Variants in SLC71A1 observed in about 807,000 individuals in gnomAD.
SLC71A1 encodes the protein hippocampus abundant gene transcript 1.
chr1:100,058,545 A>G, the SLC71A1 span: 1 of 666,724 alleles, frequency 1.5e-6, no homozygotes, highest in Non-Finnish European at 2.7e-6. Context: ...ATGTCATACA[A>G]ATCTGAATAT....
the SLC71A1 span, among the ~76,000 whole-genome samples, chr1:100,067,674 G>A: frequency 2.0e-5 from 3 of 152,058 alleles, no homozygotes; most frequent in Non-Finnish European, 2.9e-5. Flanking sequence ...TTAGCTGGGC[G>A]TGGTGGTGTG....
At chr1:100,049,845 G>T in the SLC71A1 span, 1 of 793,734 alleles carries the variant, frequency 1.3e-6, no homozygotes, top group Non-Finnish European at 2.1e-6. Context: ...CGTTGTTATT[G>T]TTAATAATTA....
chr1:100,040,941 G>A, the SLC71A1 span, among the ~76,000 whole-genome samples: 7 of 152,044 alleles, frequency 4.6e-5, no homozygotes, highest in African/African-American at 1.5e-4. Flanking sequence ...CTCTATGGTC[G>A]GTACATGACA....
the SLC71A1 span, among the ~76,000 whole-genome samples, chr1:100,063,284 AC>A: frequency 1.3e-5 from 2 of 149,696 alleles, no homozygotes; most frequent in African/African-American, 2.5e-5. Context: ...ACAAAACAAA[AC>A]AAAACAAAAC....
chr1:100,045,155 T>G, the SLC71A1 span, among the ~76,000 whole-genome samples: 1 of 152,262 alleles, frequency 6.6e-6, no homozygotes, highest in Non-Finnish European at 1.5e-5. Context: ...TTTCCCTTTG[T>G]GTCATTTATG....
At chr1:100,052,666 G>A in the SLC71A1 span, among the ~76,000 whole-genome samples, 8 of 151,928 alleles carry the variant, frequency 5.3e-5, no homozygotes, top group South Asian at 2.1e-4. Context: ...TCTTAACCTC[G>A]TGATCCGCCC....
At chr1:100,046,211 C>CATTT in the SLC71A1 span, among the ~76,000 whole-genome samples, 2 of 69,462 alleles carry the variant, frequency 2.9e-5, no homozygotes, top group Non-Finnish European at 6.1e-5. Flanking sequence ...CTCCAAGCCT[C>CATTT]GTTTTTTTTT....
At chr1:100,045,189 C>T in the SLC71A1 span, among the ~76,000 whole-genome samples, 1 of 152,048 alleles carries the variant, frequency 6.6e-6, no homozygotes, top group Non-Finnish European at 1.5e-5. Flanking sequence ...GTGTTTTGTA[C>T]TTTTCCTTGT....
the SLC71A1 span, chr1:100,080,714 C>T: frequency 6.8e-7 from 1 of 1,478,048 alleles, no homozygotes; most frequent in Non-Finnish European, 9.2e-7. Flanking sequence ...AGATTAAAGG[C>T]TACTGGTTTT....
At chr1:100,074,208 C>T in the SLC71A1 span, among the ~76,000 whole-genome samples, 5 of 152,228 alleles carry the variant, frequency 3.3e-5, no homozygotes, top group African/African-American at 9.6e-5. Context: ...GCACATAGGA[C>T]GTTACCCCAG....
chr1:100,075,225 A>T, the SLC71A1 span, among the ~76,000 whole-genome samples: 1 of 152,322 alleles, frequency 6.6e-6, no homozygotes, highest in South Asian at 2.1e-4. Flanking sequence ...CTGAGCTGGG[A>T]GTTGATGCTC....
chr1:100,066,847 G>C, the SLC71A1 span, among the ~76,000 whole-genome samples: 6 of 151,990 alleles, frequency 3.9e-5, no homozygotes, highest in African/African-American at 1.4e-4. Flanking sequence ...AAATTAGCCG[G>C]GCGAGGTGGC....
the SLC71A1 span, among the ~76,000 whole-genome samples, chr1:100,075,800 T>C: frequency 2.0e-5 from 3 of 152,174 alleles, no homozygotes; most frequent in Non-Finnish European, 4.4e-5. Flanking sequence ...GGACTCAGCC[T>C]CCTGAGTAGC....
chr1:100,052,427 T>C, the SLC71A1 span, among the ~76,000 whole-genome samples: 2 of 112,550 alleles, frequency 1.8e-5, no homozygotes, highest in Admixed American at 1.6e-4. Context: ...TATATTCCTT[T>C]TTTTTTTTTT....
the SLC71A1 span, among the ~76,000 whole-genome samples, chr1:100,062,744 G>A: frequency 2.6e-5 from 4 of 151,878 alleles, no homozygotes; most frequent in Admixed American, 6.6e-5. Context: ...TAAGATTTTT[G>A]GGGAGGAAAC....
At chr1:100,081,080 A>C in the SLC71A1 span, among the ~76,000 whole-genome samples, 1 of 152,204 alleles carries the variant, frequency 6.6e-6, no homozygotes, top group Non-Finnish European at 1.5e-5. Flanking sequence ...CATTTTGGCC[A>C]ATATTAGCAG....
At chr1:100,051,012 G>A in the SLC71A1 span, among the ~76,000 whole-genome samples, 110 of 151,456 alleles carry the variant, frequency 7.3e-4, no homozygotes, top group African/African-American at 2.6e-3. Context: ...TTGAGCCCAG[G>A]AGGCAGAGGT....
the SLC71A1 span, among the ~76,000 whole-genome samples, chr1:100,055,764 G>A: frequency 6.6e-6 from 1 of 151,626 alleles, no homozygotes; most frequent in Non-Finnish European, 1.5e-5. Context: ...TTTGTTTTTT[G>A]TTTTTTTGAG....
At chr1:100,074,057 G>A in the SLC71A1 span, among the ~76,000 whole-genome samples, 1 of 152,156 alleles carries the variant, frequency 6.6e-6, no homozygotes, top group African/African-American at 2.4e-5. Context: ...AAAAGTTCCT[G>A]CCTTCAAGAA....
Sources: gnomAD v4.1 joint callset for allele counts (sites outside exome capture counted in the v4.1 genomes callset) on GRCh38, gnomAD v4.1.1 for gene constraint, MANE v1.5 for transcripts, NCBI Gene and HGNC (gene_info 2026-07-23, HGNC 2026-07-21) for gene names.